TLE2: variants seen among roughly 807,000 people sequenced by gnomAD.
TLE2 encodes transducin-like enhancer protein 2.
Under a neutral mutation model 97.2 loss-of-function variants are expected in TLE2, and 74 were observed. That is an observed-to-expected ratio of 0.76 (90% confidence interval 0.63 to 0.92). The LOEUF is 0.92. Among genes scored for constraint, TLE2 ranks in the 40% least tolerant of loss-of-function variants. The pLI is 0.00. For synonymous variants in TLE2, 499 were observed against 432.1 expected (o/e 1.15, Z -1.92); for missense variants, 1,038 against 1,008.7 (o/e 1.03, Z -0.39).
At chr19:3,027,554 G>C (rs1175930353) in intron 4 of TLE2, among the ~76,000 whole-genome samples, 1 of 152,158 alleles carries the variant, frequency 6.6e-6, no homozygotes, top group Non-Finnish European at 1.5e-5. Context: ...CTCCTTGATG[G>C]GGATGCCTGG....
chr19:3,015,844 TC>T, intron 8 of TLE2, 84 bp from the exon 9 acceptor site: 1 of 1,024,062 alleles, frequency 9.8e-7, no homozygotes, highest in Non-Finnish European at 1.5e-6. Flanking sequence ...AGACTGAGGG[TC>T]CCCCACCATT....
rs1654962570 is a variant in TLE2 at position 3,019,509 on chromosome 19, G to C, written c.370-46C>G. 6.7e-7 allele frequency: 1 copy of C among 1,483,212 alleles called. No individual in the cohort carries two copies. The highest frequency in any genetic ancestry group is 1.4e-5 in the African/African-American group (1 of 71,712). The allele number at this position is 1,483,212 out of a possible 1,614,324, so 91.9% of individuals were successfully genotyped here. A position where few individuals can be genotyped will look rare whatever the true frequency, so the allele number is the denominator to read the frequency against. ...TGGGCCGGGGCGGGGGGCGGCAGGAGCCCAGCGGTCCCCAGCCCAAGAGGT... is the reference window on the plus strand; with the variant it reads ...TGGGCCGGGGCGGGGGGCGGCAGGACCCCAGCGGTCCCCAGCCCAAGAGGT... On this transcript the variant is annotated intron_variant, in intron 6 of 19. Transcript: ENST00000262953. This position sits in a 1 kb window ranked among gnomAD's most constrained non-coding sequence, Gnocchi z 5.1.
At chr19:3,029,558 C>CGGGGT, upstream of TLE2, 1 of 225,164 alleles carries the variant, frequency 4.4e-6, no homozygotes, top group Non-Finnish European at 6.1e-6. Flanking sequence ...ACCGTGGGAG[C>CGGGGT]GGGGGGGGGG....
chr19:3,008,455 C>CTTTT (rs34168841), intron 14 of TLE2, among the ~76,000 whole-genome samples: 1 of 143,430 alleles, frequency 7.0e-6, no homozygotes. Context: ...TTTCTTTTTT[C>CTTTT]TTTTTTTTTT....
Position 3,039,590 on chromosome 19 carries a change from C to T in TLE2, c.63+6136G>A, listed in dbSNP as rs566581865. ...ACCTGCTCAGCTTCCCTCAGTCTTCCGAGGCCTCGTGGCTCTGGGAACACA... is the reference window on the plus strand; with the variant it reads ...ACCTGCTCAGCTTCCCTCAGTCTTCTGAGGCCTCGTGGCTCTGGGAACACA... On this transcript the variant is annotated intron_variant, in intron 1 of 18. Transcript: ENST00000426948. 3.3e-5 allele frequency among the ~76,000 whole-genome samples: 5 copies of T among 152,302 alleles called. No homozygotes were observed. In the South Asian group the frequency reaches 8.3e-4, roughly 25 times the overall value.
upstream of TLE2, among the ~76,000 whole-genome samples, chr19:3,031,256 G>C (rs1298659332): frequency 3.3e-5 from 5 of 152,024 alleles, no homozygotes; most frequent in African/African-American, 1.2e-4. Flanking sequence ...TTGGGGGAGG[G>C]TAGCCTTGGA....
chr19:3,037,285 A>C (rs910441583), intron 1 of TLE2, among the ~76,000 whole-genome samples: 1 of 151,982 alleles, frequency 6.6e-6, no homozygotes, highest in Non-Finnish European at 1.5e-5. Context: ...ACTCTGTCTC[A>C]AAAACAAAAA....
chr19:3,006,495 GC>G lies in TLE2; in HGVS notation c.1424del (p.Gly475AlafsTer6). 1 of 1,609,290 alleles carries G rather than the reference GC, an allele frequency of 6.2e-7. No homozygotes were observed. The highest frequency in any genetic ancestry group is 8.5e-7 in the Non-Finnish European group (1 of 1,178,748). ...ISGSTQHVYT[G>X]GKGCVKVWDV... Reference sequence around the variant, plus strand: ...CCCACACCTTCACACAGCCCTTGCCGCCCGTGTACACATGCTGTGTGGAGCC... The same window carrying G: ...CCCACACCTTCACACAGCCCTTGCCGCCGTGTACACATGCTGTGTGGAGCC... On this transcript the variant is annotated frameshift_variant, in exon 15 of 20. Coordinates refer to ENST00000262953, the MANE Select transcript of TLE2 (RefSeq NM_003260.5). LOFTEE classifies it high-confidence loss of function.
rs1426043925 is a variant in TLE2 at position 3,027,859 on chromosome 19, C to A, written c.201G>T (p.Ser67=). 7 of 1,611,248 alleles carry A rather than the reference C, an allele frequency of 4.3e-6. No homozygotes were observed. The highest frequency in any genetic ancestry group is 5.9e-6 in the Non-Finnish European group (7 of 1,178,972). Residue 67 remains serine, a synonymous_variant, in exon 4 of 20, where the codon TCG becomes TCT. Transcript: ENST00000262953. ...QRHYVMYYEM[S]YGLNIEMHKQ... is the part of the protein sequence containing the mutation. ...TATGCATTTCAATGTTGAGCCCGTA[C>A]GACATCTCATAATACTGCAAAGGAA... is the stretch of plus-strand genomic sequence containing the variant.
intron 9 of TLE2, 107 bp from the exon 10 acceptor site, chr19:3,014,721 T>C (rs1457914182): frequency 1.8e-6 from 2 of 1,085,024 alleles, no homozygotes; most frequent in African/African-American, 1.7e-5. Flanking sequence ...CCCTGGGGCA[T>C]GACTGGGATT....
rs746723512 is a variant in TLE2, at chr19:3,019,430, G to C, written c.403C>G (p.Pro135Ala). The C allele has an allele frequency of 1.7e-5, 26 of 1,534,956 alleles. No individual in the cohort carries two copies. The African/African-American group carries it at 2.3e-4, about 14-fold the overall frequency. Residue 135 changes from proline to alanine, a missense_variant, in exon 7 of 20, where the codon CCT (proline) becomes GCT (alanine). Physicochemically the swap from Pro to Ala is conservative, Grantham distance 27. Coordinates refer to ENST00000262953, the MANE Select transcript of TLE2 (RefSeq NM_003260.5). This position sits in a 1 kb window ranked among gnomAD's most constrained non-coding sequence, Gnocchi z 5.1. Reference sequence around the variant, plus strand: ...GCTGGGCGGGGGGTGAGGGGCACAGGGGGTGCGTGGTGGGACAGCGGCTGG... The same window carrying C: ...GCTGGGCGGGGGGTGAGGGGCACAGCGGGTGCGTGGTGGGACAGCGGCTGG... ...QLQPLSHHAP[P>A]VPLTPRPAGL...
rs2089993766 is a variant in TLE2 at position 3,028,972 on chromosome 19, G to C, written c.-68C>G. 1.9e-6 allele frequency: 3 copies of C among 1,579,782 alleles called. No individual in the cohort carries two copies. Among genetic ancestry groups the C allele is most frequent in the Admixed American group, 1.8e-5 (1 of 55,902 alleles). On this transcript the variant is annotated 5_prime_UTR_variant, in exon 1 of 20. Transcript: ENST00000262953. Reference sequence around the variant, plus strand: ...TGATATGGAGGCGGCAAGAGTGGGGGAGGCTGAAGTGGGGTGGTGGGGAGG... The same window carrying C: ...TGATATGGAGGCGGCAAGAGTGGGGCAGGCTGAAGTGGGGTGGTGGGGAGG...
At chr19:3,003,953 C>T (rs1331335444) in intron 17 of TLE2, among the ~76,000 whole-genome samples, 5 of 152,098 alleles carry the variant, frequency 3.3e-5, no homozygotes, top group Admixed American at 2.6e-4. Context: ...GTGATCCACC[C>T]ACCTCGGCCT....
At chr19:2,998,584 T>A (rs2089279257) in intron 19 of TLE2, among the ~76,000 whole-genome samples, 1 of 152,046 alleles carries the variant, frequency 6.6e-6, no homozygotes, top group South Asian at 2.1e-4. Context: ...GGCCTAATTT[T>A]TGTATTTTTA....
chr19:3,028,598 G>A, intron 2 of TLE2, 108 bp downstream of exon 2: 2 of 1,325,358 alleles, frequency 1.5e-6, no homozygotes, highest in Non-Finnish European at 1.1e-6. Context: ...CCTTTGTCGC[G>A]CCCCCCCTCC....
chr19:3,025,247 T>A, intron 4 of TLE2, 165 bp from the exon 5 acceptor site: 2 of 1,083,606 alleles, frequency 1.8e-6, no homozygotes, highest in Non-Finnish European at 2.5e-6. Flanking sequence ...CGAGGTGGGA[T>A]TCAGAGCCCC....
chr19:3,011,259 G>A (rs1896272275), intron 11 of TLE2, 99 bp from the exon 12 acceptor site: 1 of 1,321,910 alleles, frequency 7.6e-7, no homozygotes, highest in Non-Finnish European at 1.0e-6. Context: ...CAGTCGCAGT[G>A]TCTCACACCT....
At chr19:3,039,592 A>G (rs1312969509) in intron 1 of TLE2, among the ~76,000 whole-genome samples, 3 of 152,096 alleles carry the variant, frequency 2.0e-5, no homozygotes, top group African/African-American at 7.2e-5. Context: ...CAGTCTTCCG[A>G]GGCCTCGTGG....
chr19:3,008,358 C>T (rs2089518548), intron 14 of TLE2, among the ~76,000 whole-genome samples: 1 of 152,202 alleles, frequency 6.6e-6, no homozygotes, highest in Non-Finnish European at 1.5e-5. Context: ...ACGTGTCCCC[C>T]GACATCGCCC....
Sources: gnomAD v4.1 joint callset for allele counts (sites outside exome capture counted in the v4.1 genomes callset) on GRCh38, gnomAD v4.1.1 for gene constraint, Gnocchi (gnomAD v3.1) non-coding constraint, MANE v1.5 for transcripts, NCBI Gene and HGNC (gene_info 2026-07-23, HGNC 2026-07-21) for gene names.